Variants in TYR observed in about 807,000 individuals in gnomAD.
The protein encoded by TYR is tyrosinase.
A neutral mutation model predicts 51.5 loss-of-function variants in TYR; 58 were observed. The ratio of observed to expected loss-of-function variants is 1.13; its 90% CI spans 0.91 to 1.40. The LOEUF (loss-of-function observed/expected upper bound fraction) is 1.40, where lower values mean the gene tolerates loss of function less well. TYR is among the 40% of genes most tolerant of loss of function. The probability of loss-of-function intolerance (pLI) is 0.00; values close to 1 mark genes in which losing one functional copy is unlikely to be tolerated. For missense variants in TYR, 732 were observed against 647.4 expected (o/e 1.13, Z -1.42); for synonymous variants, 263 against 235.2 (o/e 1.12, Z -1.08).
rs1368534176 is a variant in TYR, at chr11:89,232,762, TAA to T, written c.1184+4793_1184+4794del. ...ATGTTTATACTTTAATGTAGATTAT[TAA>T]GTGTACAATCTCATTATGCCTAAAA... On this transcript the variant is annotated intron_variant, in intron 3 of 4. Transcript: ENST00000263321. Among the ~76,000 whole-genome samples the T allele has an allele frequency of 2.8e-5, 4 of 143,534 alleles. 1 individual carries two copies. Among genetic ancestry groups the T allele is most frequent in the Non-Finnish European group, 6.0e-5 (4 of 66,738 alleles). 94.2% of individuals were successfully genotyped at this position (143,534 alleles called of 152,430 possible). A position where few individuals can be genotyped will look rare whatever the true frequency, so the allele number is the denominator to read the frequency against.
At chr11:89,211,550 G>A (rs1209416517) in intron 2 of TYR, among the ~76,000 whole-genome samples, 1 of 152,188 alleles carries the variant, frequency 6.6e-6, no homozygotes, top group African/African-American at 2.4e-5. Flanking sequence ...CAATGAGACA[G>A]AAAATTAGCA....
At chr11:89,237,909 C>T (rs190319245) in intron 3 of TYR, among the ~76,000 whole-genome samples, 10 of 152,094 alleles carry the variant, frequency 6.6e-5, no homozygotes, top group African/African-American at 2.4e-4. Flanking sequence ...GATCTTGGCT[C>T]ACTCCCACCT....
At position 89,295,674 on chromosome 11, in the gene TYR, T is replaced by C. The variant is rs1944900103; in HGVS notation, c.*308T>C. On this transcript the variant is annotated 3_prime_UTR_variant, in exon 5 of 5. Coordinates refer to ENST00000263321, the MANE Select transcript of TYR (RefSeq NM_000372.5). ...CTCTTATTTTAAAAAATTGAAATAA[T>C]TTTGATTTTTGCCTTCTGATTATTT... is the stretch of plus-strand genomic sequence containing the variant. 3.1e-6 allele frequency: 1 copy of C among 322,438 alleles called. No homozygotes were observed. Among genetic ancestry groups the C allele is most frequent in the Non-Finnish European group, 5.9e-6 (1 of 168,856 alleles). The allele number at this position is 322,438 out of a possible 1,614,324, so 20.0% of individuals were successfully genotyped here.
At chr11:89,264,217 C>T (rs1944497101) in intron 3 of TYR, among the ~76,000 whole-genome samples, 1 of 152,022 alleles carries the variant, frequency 6.6e-6, no homozygotes, top group Non-Finnish European at 1.5e-5. Flanking sequence ...AAAATTCCTA[C>T]ACTGAATGTA....
chr11:89,255,113 G>T (rs1944374917), intron 3 of TYR, among the ~76,000 whole-genome samples: 1 of 151,730 alleles, frequency 6.6e-6, no homozygotes, highest in African/African-American at 2.4e-5. Flanking sequence ...GTATGTATTT[G>T]CCTGGTTTTG....
intron 2 of TYR, among the ~76,000 whole-genome samples, chr11:89,196,455 G>GTGTT (rs1943520476): frequency 6.6e-6 from 1 of 152,118 alleles, no homozygotes; most frequent in African/African-American, 2.4e-5. Context: ...CAACTTCTTG[G>GTGTT]CGTTTAATGG....
chr11:89,210,305 G>A (rs550775505), intron 2 of TYR, among the ~76,000 whole-genome samples: 15 of 152,274 alleles, frequency 9.9e-5, no homozygotes, highest in South Asian at 2.1e-4. Context: ...ACCACAGTAC[G>A]AGAACTTCAT....
intron 3 of TYR, among the ~76,000 whole-genome samples, chr11:89,284,472 C>T (rs1944757393): frequency 6.6e-6 from 1 of 151,804 alleles, no homozygotes. Flanking sequence ...TGTCACTCAA[C>T]CAATAGTTAC....
intron 3 of TYR, among the ~76,000 whole-genome samples, chr11:89,257,952 C>A (rs1381241380): frequency 6.6e-6 from 1 of 152,036 alleles, no homozygotes; most frequent in Non-Finnish European, 1.5e-5. Flanking sequence ...TATGTAGCAA[C>A]ACCCCAAAAG....
chr11:89,196,316 T>C (rs1943518179), intron 2 of TYR, among the ~76,000 whole-genome samples: 3 of 152,124 alleles, frequency 2.0e-5, no homozygotes, highest in South Asian at 2.1e-4. Context: ...TTCATGAAGA[T>C]AGAACCAAAA....
intron 3 of TYR, among the ~76,000 whole-genome samples, chr11:89,281,414 C>G (rs547043348): frequency 6.6e-6 from 1 of 151,686 alleles, no homozygotes; most frequent in Non-Finnish European, 1.5e-5. Context: ...ACCATAAAAA[C>G]CTGGTGGAGT....
chr11:89,199,223 G>C (rs568428492), intron 2 of TYR, among the ~76,000 whole-genome samples: 11 of 152,234 alleles, frequency 7.2e-5, no homozygotes, highest in Non-Finnish European at 1.6e-4. Context: ...ATAAACATAT[G>C]TGTGCGTCTT....
At chr11:89,292,764 T>C (rs1944864484) in intron 4 of TYR, among the ~76,000 whole-genome samples, 1 of 152,118 alleles carries the variant, frequency 6.6e-6, no homozygotes, top group Admixed American at 6.5e-5. Flanking sequence ...AATATGCAAG[T>C]CAATACATTA....
At chr11:89,225,533 T>C (rs1943965971) in intron 2 of TYR, among the ~76,000 whole-genome samples, 1 of 151,840 alleles carries the variant, frequency 6.6e-6, no homozygotes, top group African/African-American at 2.4e-5. Context: ...AACATTTAGA[T>C]ATAATTGTGT....
chr11:89,276,709 G>A (rs189898612), intron 3 of TYR, among the ~76,000 whole-genome samples: 2 of 151,848 alleles, frequency 1.3e-5, no homozygotes, highest in Admixed American at 1.3e-4. Context: ...TACATTTCAA[G>A]ATGAAGGTCA....
intron 1 of TYR, among the ~76,000 whole-genome samples, chr11:89,188,291 G>A (rs1258829569): frequency 1.3e-5 from 2 of 151,774 alleles, no homozygotes; most frequent in African/African-American, 2.4e-5. Context: ...TAAAAACTAT[G>A]TTTATCGTGT....
intron 1 of TYR, among the ~76,000 whole-genome samples, chr11:89,186,010 T>A (rs1316972900): frequency 2.6e-5 from 4 of 152,140 alleles, no homozygotes; most frequent in African/African-American, 9.7e-5. Flanking sequence ...CAACAATGCC[T>A]GTTTTTACTA....
chr11:89,293,719 A>C (rs1477787002), intron 4 of TYR: 1 of 166,248 alleles, frequency 6.0e-6, no homozygotes, highest in Non-Finnish European at 1.4e-5. Flanking sequence ...AGACCCAGAT[A>C]TATATATCAC....
intron 3 of TYR, among the ~76,000 whole-genome samples, chr11:89,279,052 A>G (rs1208941529): frequency 6.6e-6 from 1 of 151,630 alleles, no homozygotes; most frequent in Non-Finnish European, 1.5e-5. Flanking sequence ...TTCACATCAT[A>G]TCAAAGGTGT....
Sources: allele counts gnomAD v4.1 joint callset (sites outside exome capture counted in the v4.1 genomes callset), GRCh38; gene constraint gnomAD v4.1.1; transcripts MANE v1.5; gene names NCBI Gene and HGNC (gene_info 2026-07-23, HGNC 2026-07-21).